MFHAS1: variants seen among roughly 807,000 people sequenced by gnomAD.
The protein encoded by MFHAS1 is multifunctional ROCO family signaling regulator 1.
A neutral mutation model predicts 70.4 loss-of-function variants in MFHAS1; 50 were observed. The observed-to-expected ratio is 0.71, with a 90% CI of 0.57 to 0.90. The LOEUF is 0.90. Ranked by LOEUF, MFHAS1 falls within the 40% of genes least tolerant of loss-of-function variation. MFHAS1 has a pLI of 0.00. For missense variants in MFHAS1, 1,795 were observed against 1,347.6 expected (o/e 1.33, Z -5.20); for synonymous variants, 952 against 620.0 (o/e 1.54, Z -7.96).
At position 8,890,273 on chromosome 8, in the gene MFHAS1, T is replaced by C. The variant is rs754063002; in HGVS notation, c.2786A>G (p.Tyr929Cys). Reference protein sequence around the residue: ...YRGKVPVVVSYRPARGVLQPD... With the variant: ...YRGKVPVVVSCRPARGVLQPD... ...CTGCAGGACTCCCCTGGCAGGTCTGTAACTCACAACCACAGGAACTTTCCC... is the reference window on the plus strand; with the variant it reads ...CTGCAGGACTCCCCTGGCAGGTCTGCAACTCACAACCACAGGAACTTTCCC... The change falls in exon 1 of 3, where the codon TAC becomes TGC. Residue 929 changes from tyrosine to cysteine, a missense_variant. Physicochemically the swap from Tyr to Cys is radical, Grantham distance 194. Coordinates refer to ENST00000276282, the MANE Select transcript of MFHAS1 (RefSeq NM_004225.3). 1 of 1,614,178 alleles carries C rather than the reference T, an allele frequency of 6.2e-7. No individual in the cohort carries two copies.
chr8:8,864,658 C>G (rs1386948029), intron 1 of MFHAS1, among the ~76,000 whole-genome samples: 5 of 152,196 alleles, frequency 3.3e-5, no homozygotes, highest in Non-Finnish European at 5.9e-5. Context: ...TTTGTACCAG[C>G]TACCCACCAG....
intron 2 of MFHAS1, among the ~76,000 whole-genome samples, chr8:8,786,262 C>G (rs377754617): frequency 2.4e-4 from 36 of 152,300 alleles, no homozygotes; most frequent in African/African-American, 8.4e-4. Flanking sequence ...ATTTGCCAAA[C>G]ATTTCTGTTG....
chr8:8,800,774 C>G (rs1015716657), intron 1 of MFHAS1, among the ~76,000 whole-genome samples: 1 of 152,224 alleles, frequency 6.6e-6, no homozygotes, highest in African/African-American at 2.4e-5. Flanking sequence ...CCCAGCTCCA[C>G]CTGCTTTTAT....
intron 2 of MFHAS1, among the ~76,000 whole-genome samples, chr8:8,797,149 G>GGAA (rs1491140577): frequency 1.7e-5 from 1 of 58,030 alleles, no homozygotes; most frequent in African/African-American, 7.0e-5. Flanking sequence ...ATTAGCTAAA[G>GGAA]TAAAAAAAAA....
rs200115770 is a variant in MFHAS1 at position 8,830,898 on chromosome 8, A to C, written c.2999-33407T>G. ...AGGCATGAGCCACCGTGCCCAGCCA[A>C]TATTCTCAGTATACTTTCCCTTCCT... On this transcript the variant is annotated intron_variant, in intron 1 of 2. Transcript: ENST00000276282. 1.4e-4 allele frequency among the ~76,000 whole-genome samples: 22 copies of C among 152,264 alleles called. 1 individual carries two copies. The East Asian group carries it at 4.1e-3, about 28-fold the overall frequency.
chr8:8,821,831 G>A (rs1331689519), intron 1 of MFHAS1: 2 of 152,262 alleles, frequency 1.3e-5, no homozygotes. Flanking sequence ...GTAGGAGCAT[G>A]TGGACATCTG....
intron 1 of MFHAS1, among the ~76,000 whole-genome samples, chr8:8,887,874 A>C (rs1178004763): frequency 1.3e-5 from 2 of 150,968 alleles, no homozygotes; most frequent in East Asian, 3.8e-4. Context: ...AAAAAAAAAA[A>C]AAAACCTCCA....
At chr8:8,830,209 T>C (rs1807332215) in intron 1 of MFHAS1, among the ~76,000 whole-genome samples, 1 of 152,188 alleles carries the variant, frequency 6.6e-6, no homozygotes, top group African/African-American at 2.4e-5. Flanking sequence ...CTTCGAGTTC[T>C]GTGTCAGGAA....
intron 1 of MFHAS1, among the ~76,000 whole-genome samples, chr8:8,819,460 C>G (rs187730182): frequency 4.9e-4 from 75 of 152,060 alleles, no homozygotes; most frequent in African/African-American, 1.8e-3. Flanking sequence ...AAAAAATTAG[C>G]CGGGCATGGT....
chr8:8,791,174 A>T (rs1805708928), intron 2 of MFHAS1, among the ~76,000 whole-genome samples: 1 of 151,248 alleles, frequency 6.6e-6, no homozygotes, highest in African/African-American at 2.4e-5. Flanking sequence ...ATCAGCCAAA[A>T]TCAGAATGAA....
At chr8:8,841,491 T>C (rs184409246) in intron 1 of MFHAS1, among the ~76,000 whole-genome samples, 10 of 152,246 alleles carry the variant, frequency 6.6e-5, no homozygotes, top group South Asian at 2.1e-4. Context: ...GACTTCTTTT[T>C]GTTGTTTGCT....
At chr8:8,861,750 CG>C (rs1563208914) in intron 1 of MFHAS1, among the ~76,000 whole-genome samples, 1 of 152,146 alleles carries the variant, frequency 6.6e-6, no homozygotes, top group Non-Finnish European at 1.5e-5. Context: ...CCCATACCAC[CG>C]GCCCCAGACC....
chr8:8,864,581 T>G (rs903374690), intron 1 of MFHAS1, among the ~76,000 whole-genome samples: 1 of 152,254 alleles, frequency 6.6e-6, no homozygotes, highest in African/African-American at 2.4e-5. Flanking sequence ...TCTCCTAAAA[T>G]CCTCATATAT....
chr8:8,891,328 G>A lies in MFHAS1; in HGVS notation c.1731C>T (p.Asp577=), dbSNP rs1333658401. 3 of 1,611,036 alleles carry A rather than the reference G, an allele frequency of 1.9e-6. No individual in the cohort carries two copies. Among genetic ancestry groups the A allele is most frequent in the African/African-American group, 1.3e-5 (1 of 74,952 alleles). ...GCTCGAAGTCCCGGGCCAGTGCCTC[G>A]TCCACCACCTTGGCCAAGCGGCTCA... The part of the protein sequence containing the change: ...EGLSRLAKVV[D]EALARDFELR... The change falls in exon 1 of 3, where the codon GAC becomes GAT. Residue 577 remains aspartate, a synonymous_variant. Transcript: ENST00000276282. This position sits in a 1 kb window ranked among gnomAD's most constrained non-coding sequence, Gnocchi z 5.4.
At chr8:8,838,131 A>C (rs1246715213) in intron 1 of MFHAS1, among the ~76,000 whole-genome samples, 1 of 152,254 alleles carries the variant, frequency 6.6e-6, no homozygotes. Flanking sequence ...AGTGTCAAAT[A>C]CATTACACTG....
chr8:8,882,188 C>T (rs975047765), intron 1 of MFHAS1, among the ~76,000 whole-genome samples: 1 of 152,104 alleles, frequency 6.6e-6, no homozygotes, highest in African/African-American at 2.4e-5. Context: ...CGAGACCAGC[C>T]TCACTAACAT....
chr8:8,864,813 G>C (rs537474255), intron 1 of MFHAS1, among the ~76,000 whole-genome samples: 127 of 152,288 alleles, frequency 8.3e-4, no homozygotes, highest in African/African-American at 2.9e-3. Context: ...GAAGGAGAGA[G>C]GGAGAGAGAG....
At chr8:8,808,880 C>A (rs1390381669) in intron 1 of MFHAS1, among the ~76,000 whole-genome samples, 2 of 152,120 alleles carry the variant, frequency 1.3e-5, no homozygotes, top group Non-Finnish European at 2.9e-5. Flanking sequence ...GTGCCCAACG[C>A]CAGGGCCATG....
chr8:8,846,350 G>C (rs1162699240), intron 1 of MFHAS1, among the ~76,000 whole-genome samples: 1 of 131,338 alleles, frequency 7.6e-6, no homozygotes, highest in Admixed American at 7.5e-5. Context: ...AGGAGGGGGA[G>C]GAGGGGGAGG....
Sources: allele counts gnomAD v4.1 joint callset (sites outside exome capture counted in the v4.1 genomes callset), GRCh38; gene constraint gnomAD v4.1.1; non-coding constraint Gnocchi (gnomAD v3.1); transcripts MANE v1.5; gene names NCBI Gene and HGNC (gene_info 2026-07-23, HGNC 2026-07-21).